MACROD2: variants seen among roughly 807,000 people sequenced by gnomAD.
The protein encoded by MACROD2 is ADP-ribose glycohydrolase MACROD2.
Under a neutral mutation model 70.4 loss-of-function variants are expected in MACROD2, and 36 were observed. That is an observed-to-expected ratio of 0.51 (90% CI 0.39 to 0.68). The LOEUF is 0.68. Among genes scored for constraint, MACROD2 ranks in the 30% least tolerant of loss-of-function variants. MACROD2 has a pLI of 0.00. For synonymous variants in MACROD2, 172 were observed against 178.8 expected (o/e 0.96, Z 0.30); for missense variants, 496 against 538.4 (o/e 0.92, Z 0.78).
At chr20:15,114,014 G>T (rs921683442) in intron 5 of MACROD2, among the ~76,000 whole-genome samples, 1 of 152,156 alleles carries the variant, frequency 6.6e-6, no homozygotes, top group African/African-American at 2.4e-5. Context: ...CCTAATCTTT[G>T]AAGTCTGGCA....
At chr20:15,483,473 G>GA (rs1259639941) in intron 7 of MACROD2, among the ~76,000 whole-genome samples, 4 of 152,138 alleles carry the variant, frequency 2.6e-5, no homozygotes, top group Non-Finnish European at 4.4e-5. Flanking sequence ...GGTAAGTCTT[G>GA]AAGTCAGGTA....
rs546768266 is a variant in MACROD2, at chr20:14,849,607, C to G, written c.418+164648C>G. Among the ~76,000 whole-genome samples the G allele has an allele frequency of 2.4e-4, 37 of 152,114 alleles. 1 individual carries two copies. The South Asian group carries it at 7.7e-3, about 32-fold the overall frequency. On this transcript the variant is annotated intron_variant, in intron 5 of 17. Coordinates refer to ENST00000684519, the MANE Select transcript of MACROD2 (RefSeq NM_001351661.2). ...CCAGCCTGGCCAACACGGTGAAACC[C>G]CGTCTCTACTAAAAATACAAAAAAT...
chr20:15,650,946 C>T (rs1347035643), intron 8 of MACROD2, among the ~76,000 whole-genome samples: 1 of 152,184 alleles, frequency 6.6e-6, no homozygotes, highest in East Asian at 1.9e-4. Context: ...ACATCCTAGC[C>T]TTTCTATCTG....
intron 3 of MACROD2, among the ~76,000 whole-genome samples, chr20:14,478,306 G>A (rs1310586135): frequency 6.6e-6 from 1 of 152,076 alleles, no homozygotes; most frequent in Non-Finnish European, 1.5e-5. Context: ...CAAGATATTG[G>A]ATATGAGCCA....
rs548761821 is a variant in MACROD2, at chr20:15,031,772, C to T, written c.419-198168C>T. ...CCATAGGCGGGCCTGGAGGGAGCAC[C>T]ATAAATTCTCTCTGGGCCATGGACT... On this transcript the variant is annotated intron_variant, in intron 5 of 17. Transcript: ENST00000684519. 1.1e-3 allele frequency among the ~76,000 whole-genome samples: 164 copies of T among 152,262 alleles called. 1 individual carries two copies. In the Middle Eastern group the frequency reaches 0.02, roughly 19 times the overall value.
chr20:14,157,840 G>C (rs1442249839), intron 3 of MACROD2, among the ~76,000 whole-genome samples: 1 of 152,016 alleles, frequency 6.6e-6, no homozygotes, highest in African/African-American at 2.4e-5. Context: ...TGGACACTTA[G>C]GTTGACTCCA....
intron 8 of MACROD2, among the ~76,000 whole-genome samples, chr20:15,815,465 G>T (rs901502760): frequency 6.6e-6 from 1 of 151,668 alleles, no homozygotes. Flanking sequence ...ACCTGTGTGC[G>T]ACAGCTGGTG....
intron 3 of MACROD2, among the ~76,000 whole-genome samples, chr20:14,153,152 G>C (rs1160292292): frequency 6.6e-6 from 1 of 152,188 alleles, no homozygotes; most frequent in Non-Finnish European, 1.5e-5. Context: ...TGCCAGCATA[G>C]TGTTTGAGAA....
intron 5 of MACROD2, among the ~76,000 whole-genome samples, chr20:15,125,161 T>C (rs1419244600): frequency 1.3e-5 from 2 of 152,060 alleles, no homozygotes; most frequent in African/African-American, 4.8e-5. Context: ...TTGAATGTAA[T>C]CCCTATATAT....
intron 5 of MACROD2, among the ~76,000 whole-genome samples, chr20:15,112,010 G>C (rs1271287450): frequency 6.6e-6 from 1 of 152,184 alleles, no homozygotes; most frequent in Admixed American, 6.5e-5. Context: ...ATACACCCCA[G>C]AGTTCACAGG....
intron 8 of MACROD2, among the ~76,000 whole-genome samples, chr20:15,777,578 TTTCCTTCC>T (rs1241207207): frequency 1.3e-4 from 5 of 38,374 alleles, no homozygotes; most frequent in East Asian, 5.8e-4. Context: ...TCCTTCCTTC[TTTCCTTCC>T]TTCCTTCCTT....
At chr20:14,424,915 G>A (rs998536919) in intron 3 of MACROD2, among the ~76,000 whole-genome samples, 4 of 152,176 alleles carry the variant, frequency 2.6e-5, no homozygotes, top group Middle Eastern at 6.3e-3. Flanking sequence ...CAAGTAAAGA[G>A]CGTATTTAAA....
chr20:15,610,345 G>A (rs111470805), intron 8 of MACROD2, among the ~76,000 whole-genome samples: 189 of 152,302 alleles, frequency 1.2e-3, no homozygotes, highest in East Asian at 6.2e-3. Context: ...TGTTGGCAGG[G>A]TTGATTCCTT....
At chr20:15,634,648 G>A (rs1568942276) in intron 8 of MACROD2, among the ~76,000 whole-genome samples, 1 of 152,196 alleles carries the variant, frequency 6.6e-6, no homozygotes, top group Non-Finnish European at 1.5e-5. Context: ...CATGGCTGTG[G>A]CAATGGTACT....
chr20:15,533,544 GCTCTCTCTCTCTCTCTCTCT>G (rs3071260), intron 8 of MACROD2, among the ~76,000 whole-genome samples: 4 of 141,178 alleles, frequency 2.8e-5, no homozygotes, highest in African/African-American at 5.1e-5. Flanking sequence ...TGTCTCTGTC[GCTCTCTCTCTCTCTCTCTCT>G]CTCTCTCTCT....
intron 2 of MACROD2, among the ~76,000 whole-genome samples, chr20:14,030,641 C>T (rs1048142514): frequency 6.6e-6 from 1 of 152,118 alleles, no homozygotes; most frequent in African/African-American, 2.4e-5. Context: ...AACTCCTGAC[C>T]TCAGAGGATC....
intron 8 of MACROD2, among the ~76,000 whole-genome samples, chr20:15,559,595 G>C (rs2048215684): frequency 6.6e-6 from 1 of 152,184 alleles, no homozygotes; most frequent in East Asian, 1.9e-4. Context: ...ATTGTTCTCT[G>C]ACTTCTCTCA....
intron 4 of MACROD2, among the ~76,000 whole-genome samples, chr20:14,594,923 A>G (rs2123387869): frequency 6.6e-6 from 1 of 152,262 alleles, no homozygotes; most frequent in South Asian, 2.1e-4. Context: ...TAAATAAATA[A>G]GAAAAGTTAT....
intron 6 of MACROD2, among the ~76,000 whole-genome samples, chr20:15,379,298 A>G (rs1412181916): frequency 1.3e-5 from 2 of 152,178 alleles, no homozygotes; most frequent in African/African-American, 2.4e-5. Context: ...CTGGGCTTCA[A>G]ATGCATATTA....
Sources: gnomAD v4.1 joint callset for allele counts (sites outside exome capture counted in the v4.1 genomes callset) on GRCh38, gnomAD v4.1.1 for gene constraint, MANE v1.5 for transcripts, NCBI Gene and HGNC (gene_info 2026-07-23, HGNC 2026-07-21) for gene names.